RUFY4: variants seen among roughly 807,000 people sequenced by gnomAD.
RUFY4 encodes the protein RUN and FYVE domain containing 4.
Under a neutral mutation model 69.0 loss-of-function variants are expected in RUFY4, and 73 were observed. The ratio of observed to expected loss-of-function variants is 1.06; its 90% CI spans 0.88 to 1.29. The LOEUF is 1.29. Among genes scored for constraint, RUFY4 ranks in the 50% most tolerant of loss-of-function variants. RUFY4 has a pLI of 0.00. For synonymous variants in RUFY4, 287 were observed against 271.8 expected (o/e 1.06, Z -0.55); for missense variants, 770 against 705.6 (o/e 1.09, Z -1.03).
At chr2:218,054,207 G>C (rs564947895) in intron 2 of RUFY4, among the ~76,000 whole-genome samples, 2 of 152,268 alleles carry the variant, frequency 1.3e-5, no homozygotes, top group Admixed American at 1.3e-4. Flanking sequence ...TCTGCAATCA[G>C]ATTCATAAGA....
chr2:218,088,944 T>C (rs979584296), intron 9 of RUFY4, among the ~76,000 whole-genome samples: 1 of 151,252 alleles, frequency 6.6e-6, no homozygotes, highest in East Asian at 1.9e-4. Context: ...TCTCTCTCTC[T>C]CCCTCTTTCC....
exon 1 of RUFY4, chr2:218,070,633 G>C: frequency 1.3e-6 from 2 of 1,537,616 alleles, no homozygotes; most frequent in Non-Finnish European, 1.7e-6. Context: ...CATCCTCAAG[G>C]TCACCAAAGA....
intron 8 of RUFY4, among the ~76,000 whole-genome samples, chr2:218,082,398 G>T (rs79710932): frequency 0.096 from 14,655 of 152,214 alleles, 717 homozygotes; most frequent in Admixed American, 0.16. Context: ...CCAGAGAGCT[G>T]CCATGATGGT....
chr2:218,042,768 G>A (rs1393452376), intron 2 of RUFY4, among the ~76,000 whole-genome samples: 2 of 151,718 alleles, frequency 1.3e-5, no homozygotes, highest in South Asian at 2.1e-4. Context: ...GTGAAACCAG[G>A]AAAAATCAAG....
intron 9 of RUFY4, among the ~76,000 whole-genome samples, chr2:218,087,887 CTA>C (rs1689931176): frequency 1.3e-5 from 2 of 151,870 alleles, no homozygotes; most frequent in African/African-American, 4.8e-5. Flanking sequence ...AGGAATATAA[CTA>C]TGTTAGGAGG....
chr2:218,080,467 C>A (rs1689735736), intron 8 of RUFY4, among the ~76,000 whole-genome samples: 2 of 152,288 alleles, frequency 1.3e-5, no homozygotes, highest in South Asian at 2.1e-4. Flanking sequence ...TAGCTGTGGG[C>A]CCCTGGGGAC....
At chr2:218,056,417 T>A (rs1262622347) in intron 2 of RUFY4, among the ~76,000 whole-genome samples, 1 of 152,104 alleles carries the variant, frequency 6.6e-6, no homozygotes, top group African/African-American at 2.4e-5. Context: ...GAGAGCTTTT[T>A]TCCCCCACTT....
chr2:218,070,514 T>C, exon 1 of RUFY4: 3 of 1,126,940 alleles, frequency 2.7e-6, no homozygotes, highest in Non-Finnish European at 3.9e-6. Context: ...TGCGTCCTGC[T>C]TTGTGTAAGG....
chr2:218,074,243 G>T (rs1689570351), intron 6 of RUFY4, among the ~76,000 whole-genome samples: 1 of 152,186 alleles, frequency 6.6e-6, no homozygotes, highest in Admixed American at 6.5e-5. Context: ...ATTGACACAT[G>T]ACTCAGTTCA....
At chr2:218,075,046 G>A (rs1262825209) in intron 6 of RUFY4, 47 bp from the exon 9 acceptor site, 1 of 1,466,656 alleles carries the variant, frequency 6.8e-7, no homozygotes, top group Non-Finnish European at 9.1e-7. Flanking sequence ...CACCAGGTCA[G>A]TGAATTGGTG....
chr2:218,062,891 G>A (rs990270114), intron 3 of RUFY4, among the ~76,000 whole-genome samples: 2 of 152,282 alleles, frequency 1.3e-5, no homozygotes, highest in South Asian at 2.1e-4. Flanking sequence ...AGGGAACGGC[G>A]GCAGGAAGCA....
At chr2:218,060,886 G>T (rs377690329) in intron 3 of RUFY4, 3 of 1,175,240 alleles carry the variant, frequency 2.6e-6, no homozygotes, top group Admixed American at 1.7e-5. Context: ...AGCAAGATGC[G>T]TAGGGACAGT....
At chr2:218,066,223 G>A (rs1280716628), upstream of RUFY4, among the ~76,000 whole-genome samples, 7 of 110,820 alleles carry the variant, frequency 6.3e-5, no homozygotes, top group East Asian at 2.8e-4. Context: ...TGCTCTTGTC[G>A]CCCAGGCTGG....
At chr2:218,053,794 A>G (rs1444024091) in intron 2 of RUFY4, among the ~76,000 whole-genome samples, 2 of 151,910 alleles carry the variant, frequency 1.3e-5, no homozygotes, top group African/African-American at 4.8e-5. Flanking sequence ...CACCGCGCCC[A>G]GCCGCACCCG....
intron 2 of RUFY4, among the ~76,000 whole-genome samples, chr2:218,048,586 T>C (rs1688880786): frequency 6.6e-6 from 1 of 152,184 alleles, no homozygotes; most frequent in South Asian, 2.1e-4. Flanking sequence ...TCTGAAGATA[T>C]TATGGTTTTT....
chr2:218,074,019 C>T, intron 6 of RUFY4, 134 bp downstream of exon 8: 1 of 883,906 alleles, frequency 1.1e-6, no homozygotes, highest in Admixed American at 2.0e-5. Context: ...GAGCAAGAGG[C>T]CAGTGTGTGG....
intron 9 of RUFY4, among the ~76,000 whole-genome samples, chr2:218,085,089 T>C (rs1328604518): frequency 2.6e-5 from 4 of 152,082 alleles, no homozygotes; most frequent in Non-Finnish European, 5.9e-5. Context: ...GAACATATAA[T>C]AGAAAACAAA....
At chr2:218,072,636 C>A in intron 3 of RUFY4, 137 bp downstream of exon 5, 1 of 1,356,446 alleles carries the variant, frequency 7.4e-7, no homozygotes, top group Non-Finnish European at 9.8e-7. Context: ...CACAGCACCC[C>A]TCCAGACACC....
intron 9 of RUFY4, among the ~76,000 whole-genome samples, chr2:218,086,486 T>A (rs1689896887): frequency 6.6e-6 from 1 of 152,102 alleles, no homozygotes; most frequent in Non-Finnish European, 1.5e-5. Flanking sequence ...AGAAGTAGAA[T>A]CCAACCATGT....
Sources: allele counts gnomAD v4.1 joint callset (sites outside exome capture counted in the v4.1 genomes callset), GRCh38; gene constraint gnomAD v4.1.1; transcripts MANE v1.5; gene names NCBI Gene and HGNC (gene_info 2026-07-23, HGNC 2026-07-21).